Variants in SMARCA5 observed in about 807,000 individuals in gnomAD.
SMARCA5 encodes the protein SNF2 related chromatin remodeling ATPase 5.
In SMARCA5, 18 loss-of-function variants were observed where a neutral mutation model predicts 140.4. That is an observed-to-expected ratio of 0.13 (90% CI 0.09 to 0.19). The LOEUF (loss-of-function observed/expected upper bound fraction) is 0.19. SMARCA5 is among the 10% of genes least tolerant of loss of function. The pLI, the probability that SMARCA5 is intolerant of heterozygous loss-of-function variation, is 1.00. For missense variants in SMARCA5, 606 were observed against 1,276.8 expected (o/e 0.47, Z 8.01); for synonymous variants, 449 against 419.6 (o/e 1.07, Z -0.86).
In SMARCA5 at chr4:143,557,263, A is replaced by T. The variant is rs1737778913; in HGVS notation, c.*4079A>T. The T allele has an allele frequency of 6.6e-6, 1 of 152,234 alleles. No individual in the cohort carries two copies. The highest frequency in any genetic ancestry group is 6.5e-5 in the Admixed American group (1 of 15,282). 9.4% of individuals were successfully genotyped at this position (152,234 alleles called of 1,614,324 possible). A position where few individuals can be genotyped will look rare whatever the true frequency, so the allele number is the denominator to read the frequency against. On this transcript the variant is annotated 3_prime_UTR_variant, in exon 24 of 24. Coordinates refer to ENST00000283131, the MANE Select transcript of SMARCA5 (RefSeq NM_003601.4). ...ACAAGAAGAAAGTTTATCAGAATTTAGTTAATGTTGGAAACTTTGTAATAT... is the reference window on the plus strand; with the variant it reads ...ACAAGAAGAAAGTTTATCAGAATTTTGTTAATGTTGGAAACTTTGTAATAT...
intron 22 of SMARCA5, 118 bp downstream of exon 22, chr4:143,548,258 T>G: frequency 1.7e-6 from 1 of 588,574 alleles, no homozygotes; most frequent in Non-Finnish European, 3.0e-6. Context: ...ACAATATTGT[T>G]AGTATCATAA....
chr4:143,521,441 G>A lies in SMARCA5; in HGVS notation c.265G>A (p.Ala89Thr), dbSNP rs148302705. Residue 89 changes from alanine to threonine, a missense_variant, in exon 3 of 24, where the codon GCA becomes ACA. Transcript: ENST00000283131. ...TYEEKMQTDRANRFEYLLKQT... is the reference protein window; with the variant it reads ...TYEEKMQTDRTNRFEYLLKQT... ...TTTTTTTTTTCAGCAAACTGACCGGGCAAATAGATTCGAGTATTTATTAAA... is the reference window on the plus strand; with the variant it reads ...TTTTTTTTTTCAGCAAACTGACCGGACAAATAGATTCGAGTATTTATTAAA... 9.4e-6 allele frequency: 15 copies of A among 1,601,464 alleles called. No individual in the cohort carries two copies. The highest frequency in any genetic ancestry group is 1.7e-4 in the Middle Eastern group (1 of 6,016).
At chr4:143,519,384 A>G (rs1012588240) in intron 2 of SMARCA5, among the ~76,000 whole-genome samples, 1 of 151,892 alleles carries the variant, frequency 6.6e-6, no homozygotes, top group African/African-American at 2.4e-5. Context: ...TATTGCATGG[A>G]TTATTTTGTG....
intron 11 of SMARCA5, 58 bp downstream of exon 11, chr4:143,536,736 A>G: frequency 8.4e-7 from 1 of 1,191,346 alleles, no homozygotes; most frequent in Non-Finnish European, 1.2e-6. Context: ...TGTTAAAACA[A>G]AGGAGCACTG....
chr4:143,524,171 C>A (rs1737022351), intron 3 of SMARCA5, among the ~76,000 whole-genome samples, 196 bp from the exon 4 acceptor site: 1 of 152,034 alleles, frequency 6.6e-6, no homozygotes, highest in Admixed American at 6.5e-5. Flanking sequence ...ATTTTAATAA[C>A]TAATGTATAT....
rs566087681 is a variant in SMARCA5 at position 143,524,685 on chromosome 4, G to A, written c.520+218G>A. Among the ~76,000 whole-genome samples the A allele has an allele frequency of 8.5e-5, 13 of 152,224 alleles. No individual in the cohort carries two copies. The East Asian group carries it at 1.2e-3, about 14-fold the overall frequency. On this transcript the variant is annotated intron_variant, in intron 4 of 23. Transcript: ENST00000283131. ...AGTTATATAAAATGTCATTGTGTTT[G>A]TTATTGCCCTGAAGTATATGTAAAT...
At chr4:143,540,269 C>T (rs1003778455) in intron 13 of SMARCA5, 94 bp from the exon 14 acceptor site, 18 of 953,032 alleles carry the variant, frequency 1.9e-5, no homozygotes, top group Non-Finnish European at 2.6e-5. Context: ...TTTTATATTT[C>T]AGAATATTTT....
intron 8 of SMARCA5, among the ~76,000 whole-genome samples, chr4:143,529,347 A>G (rs1737136665): frequency 6.6e-6 from 1 of 152,176 alleles, no homozygotes; most frequent in South Asian, 2.1e-4. Flanking sequence ...TTGACTGGTT[A>G]TGTTTTTAAG....
chr4:143,537,701 G>A (rs1476680011), intron 11 of SMARCA5, among the ~76,000 whole-genome samples: 1 of 152,056 alleles, frequency 6.6e-6, no homozygotes, highest in Non-Finnish European at 1.5e-5. Context: ...GATCACCTAA[G>A]GTCAAGAGTT....
chr4:143,540,307 A>G, intron 13 of SMARCA5, 56 bp from the exon 14 acceptor site: 3 of 1,401,242 alleles, frequency 2.1e-6, no homozygotes, highest in Non-Finnish European at 2.9e-6. Context: ...TACCCATTTC[A>G]GTGTTATTTA....
At chr4:143,524,065 A>C (rs1287160837) in intron 3 of SMARCA5, among the ~76,000 whole-genome samples, 1 of 152,188 alleles carries the variant, frequency 6.6e-6, no homozygotes, top group Non-Finnish European at 1.5e-5. Context: ...GTACACTTTA[A>C]AATTCAAATA....
In SMARCA5 at chr4:143,553,194, T is replaced by A. The variant is rs1038460315; in HGVS notation, c.*10T>A. The A allele has an allele frequency of 6.3e-7, 1 of 1,597,458 alleles. No individual in the cohort carries two copies. The highest frequency in any genetic ancestry group is 8.6e-7 in the Non-Finnish European group (1 of 1,165,254). Reference sequence around the variant, plus strand: ...GAAGCTGAAACTATGAATATGTTTTTGTTTCATAATCACTAACTTTAAACC... The same window carrying A: ...GAAGCTGAAACTATGAATATGTTTTAGTTTCATAATCACTAACTTTAAACC... On this transcript the variant is annotated 3_prime_UTR_variant, in exon 24 of 24. Coordinates refer to ENST00000283131, the MANE Select transcript of SMARCA5 (RefSeq NM_003601.4).
At chr4:143,518,674 T>G (rs1736892734) in intron 2 of SMARCA5, among the ~76,000 whole-genome samples, 1 of 152,174 alleles carries the variant, frequency 6.6e-6, no homozygotes, top group South Asian at 2.1e-4. Context: ...CATATAACAC[T>G]ATGTAAATTA....
chr4:143,531,831 T>G (rs1263369970), intron 9 of SMARCA5, among the ~76,000 whole-genome samples: 2 of 152,220 alleles, frequency 1.3e-5, no homozygotes, highest in Admixed American at 6.5e-5. Flanking sequence ...AGAATCCTTT[T>G]TCCTGGTCTC....
intron 1 of SMARCA5, among the ~76,000 whole-genome samples, chr4:143,515,065 TTGAGA>T (rs1736799338): frequency 6.6e-6 from 1 of 152,164 alleles, no homozygotes; most frequent in South Asian, 2.1e-4. Context: ...TCGACCTGTT[TTGAGA>T]TATTTTGTGA....
rs184397534 is a variant in SMARCA5, at chr4:143,549,913, C to T, written c.2986-84C>T. The T allele has an allele frequency of 1.9e-3, 1,258 of 678,748 alleles. 2 individuals are homozygous for T. Among genetic ancestry groups the T allele is most frequent in the Non-Finnish European group, 2.8e-3 (1,094 of 388,684 alleles). 42.0% of individuals were successfully genotyped at this position (678,748 alleles called of 1,614,324 possible). ...TGTATTAGTGGTTTTATATATTATC[C>T]TATTAAAACATACCTTGTTTTAAAA... On this transcript the variant is annotated intron_variant, in intron 22 of 23. Coordinates refer to ENST00000283131, the MANE Select transcript of SMARCA5 (RefSeq NM_003601.4).
At chr4:143,544,615 C>T (rs927563479) in intron 16 of SMARCA5, 122 bp from the exon 17 acceptor site, 2 of 608,858 alleles carry the variant, frequency 3.3e-6, no homozygotes, top group African/African-American at 3.7e-5. Context: ...AGTCTCCACC[C>T]TCATAGAGCT....
At chr4:143,531,387 C>T (rs1187948143) in intron 9 of SMARCA5, among the ~76,000 whole-genome samples, 1 of 152,166 alleles carries the variant, frequency 6.6e-6, no homozygotes, top group Non-Finnish European at 1.5e-5. Flanking sequence ...GATTAAAATA[C>T]CCTGCTAAGC....
chr4:143,536,348 C>A (rs549411173), intron 10 of SMARCA5, 104 bp from the exon 11 acceptor site: 3 of 737,842 alleles, frequency 4.1e-6, no homozygotes, highest in African/African-American at 1.8e-5. Flanking sequence ...TAGTTTCTTA[C>A]AGATATTTGG....
Sources: allele counts gnomAD v4.1 joint callset (sites outside exome capture counted in the v4.1 genomes callset), GRCh38; gene constraint gnomAD v4.1.1; transcripts MANE v1.5; gene names NCBI Gene and HGNC (gene_info 2026-07-23, HGNC 2026-07-21).